The following BPIFB3 variants were observed in gnomAD, a reference collection of about 807,000 sequenced individuals.
BPIFB3 encodes the protein BPI fold containing family B member 3, also known as BPI fold-containing family B member 3.
A neutral mutation model predicts 53.1 loss-of-function variants in BPIFB3; 49 were observed. The ratio of observed to expected loss-of-function variants is 0.92; its 90% confidence interval spans 0.73 to 1.17. The LOEUF (loss-of-function observed/expected upper bound fraction) is 1.17. Ranked by LOEUF, BPIFB3 falls within the 50% of genes most tolerant of loss-of-function variation. BPIFB3 has a pLI of 0.00. For missense variants in BPIFB3, 628 were observed against 592.5 expected (o/e 1.06, Z -0.62); for synonymous variants, 271 against 269.6 (o/e 1.01, Z -0.05).
intron 11 of BPIFB3, among the ~76,000 whole-genome samples, chr20:33,070,674 T>C (rs1421547216): frequency 6.6e-6 from 1 of 152,188 alleles, no homozygotes; most frequent in Non-Finnish European, 1.5e-5. Context: ...CCAGTGCTCC[T>C]CTGACTCCGT....
rs549443960 is a variant in BPIFB3, at chr20:33,065,972, T to C, written c.925-852T>C. On this transcript the variant is annotated intron_variant, in intron 8 of 14. Transcript: ENST00000375494. ...GGCAGAGACTCTGCGTGTAAGAACG[T>C]GCATGTCTGAGCGGCCTGCGGATGT... 2.0e-5 allele frequency among the ~76,000 whole-genome samples: 3 copies of C among 152,314 alleles called. No individual in the cohort carries two copies. The East Asian group carries it at 5.8e-4, about 29-fold the overall frequency.
At chr20:33,059,399 G>A (rs575731693) in exon 3 of BPIFB3, 24 of 1,612,188 alleles carry the variant, frequency 1.5e-5, no homozygotes, top group Middle Eastern at 1.7e-4. Flanking sequence ...AGGAGCTCAC[G>A]CTGCCAAAGG....
At chr20:33,066,031 A>G (rs1980658218) in intron 8 of BPIFB3, among the ~76,000 whole-genome samples, 1 of 152,198 alleles carries the variant, frequency 6.6e-6, no homozygotes, top group African/African-American at 2.4e-5. Flanking sequence ...GTGTTTGCAT[A>G]TGAGCATCGT....
exon 4 of BPIFB3, chr20:33,059,891 C>T (rs1212501280): frequency 1.2e-6 from 2 of 1,613,544 alleles, no homozygotes; most frequent in Non-Finnish European, 8.5e-7. Context: ...TTTCTTGCAG[C>T]CCCCTTGGTG....
At chr20:33,064,620 G>T (rs1370810074) in intron 7 of BPIFB3, 46 bp from the exon 9 acceptor site, 2 of 1,613,060 alleles carry the variant, frequency 1.2e-6, no homozygotes, top group Admixed American at 3.3e-5. Flanking sequence ...AGGCAGGTGG[G>T]TGAGCACCTT....
At chr20:33,056,720 C>A in intron 2 of BPIFB3, 22 bp downstream of exon 3, 1 of 1,539,946 alleles carries the variant, frequency 6.5e-7, no homozygotes, top group Non-Finnish European at 8.7e-7. Context: ...CTGCTGCATG[C>A]CCTACAGGAA....
chr20:33,072,254 G>A lies in BPIFB3; in HGVS notation c.1324+87G>A. 2.2e-6 allele frequency: 3 copies of A among 1,362,648 alleles called. No individual in the cohort carries two copies. In the South Asian group the frequency reaches 3.5e-5, roughly 16 times the overall value. 84.4% of individuals were successfully genotyped at this position (1,362,648 alleles called of 1,614,324 possible). On this transcript the variant is annotated intron_variant, in intron 13 of 14. Coordinates refer to ENST00000375494, the Ensembl canonical transcript of BPIFB3. ...TTGCCTCTCTTTATGGTTCTGATGG[G>A]GACACTGAGGCCAGAGAGAGAGGTC...
chr20:33,055,395 C>CA, upstream of BPIFB3: 1 of 1,611,036 alleles, frequency 6.2e-7, no homozygotes, highest in Non-Finnish European at 8.5e-7. Context: ...AGAAGGGTCT[C>CA]AGAGTTCCTC....
At chr20:33,058,541 G>T (rs774235592) in intron 2 of BPIFB3, among the ~76,000 whole-genome samples, 1 of 152,100 alleles carries the variant, frequency 6.6e-6, no homozygotes, top group Non-Finnish European at 1.5e-5. Flanking sequence ...CTGAAATAGA[G>T]CCGGGCAGAG....
At chr20:33,063,767 G>A in intron 6 of BPIFB3, 92 bp downstream of exon 7, 1 of 1,337,052 alleles carries the variant, frequency 7.5e-7, no homozygotes, top group Non-Finnish European at 1.0e-6. Flanking sequence ...GCCAGAAGCG[G>A]CAGGATCTCA....
intron 1 of BPIFB3, among the ~76,000 whole-genome samples, chr20:33,055,860 GTC>G (rs931080763): frequency 6.6e-6 from 1 of 152,168 alleles, no homozygotes; most frequent in Admixed American, 6.5e-5. Context: ...CTGGGCCAGT[GTC>G]TCTGCCTCAC....
chr20:33,061,247 G>A (rs182992926), intron 4 of BPIFB3, among the ~76,000 whole-genome samples: 234 of 152,180 alleles, frequency 1.5e-3, no homozygotes, highest in Admixed American at 2.2e-3. Context: ...TGGTGTTGGT[G>A]TCCTGTGTTT....
chr20:33,073,040 G>A (rs1025936572), intron 14 of BPIFB3, among the ~76,000 whole-genome samples: 1 of 152,184 alleles, frequency 6.6e-6, no homozygotes, highest in Non-Finnish European at 1.5e-5. Flanking sequence ...CTTTCCCATT[G>A]GATTCAGAGA....
chr20:33,055,749 G>A (rs911143131), intron 1 of BPIFB3, among the ~76,000 whole-genome samples: 16 of 152,182 alleles, frequency 1.1e-4, no homozygotes, highest in African/African-American at 3.9e-4. Flanking sequence ...CCCTCTTACG[G>A]GAGGTGGACT....
rs201582304 is a variant in BPIFB3 at position 33,068,891 on chromosome 20, C to A, written c.1067C>A (p.Ala356Asp). Reference sequence around the variant, plus strand: ...ACGGTCACACTCCACAACAAGAAGGCCTTGGTCTCCCTCCCAGCCAACATC... The same window carrying A: ...ACGGTCACACTCCACAACAAGAAGGACTTGGTCTCCCTCCCAGCCAACATC... The change falls in exon 10 of 15, where the codon GCC becomes GAC. Residue 356 changes from alanine to aspartate, a missense_variant. Coordinates refer to ENST00000375494, the Ensembl canonical transcript of BPIFB3. 6.2e-7 allele frequency: 1 copy of A among 1,614,084 alleles called. No individual in the cohort carries two copies. Among genetic ancestry groups the A allele is most frequent in the Non-Finnish European group, 8.5e-7 (1 of 1,179,960 alleles).
At chr20:33,055,274 A>G (rs1050785815), upstream of BPIFB3, 1 of 1,214,282 alleles carries the variant, frequency 8.2e-7, no homozygotes, top group Non-Finnish European at 1.2e-6. Flanking sequence ...CTCTGCTTAC[A>G]TTTGGGAGGA....
chr20:33,070,170 G>C (rs1026337047), intron 11 of BPIFB3, among the ~76,000 whole-genome samples: 1 of 152,176 alleles, frequency 6.6e-6, no homozygotes, highest in Non-Finnish European at 1.5e-5. Context: ...TCAAGAGTGG[G>C]CTTCTTCCAC....
At chr20:33,059,713 C>T (rs905041512) in intron 3 of BPIFB3, among the ~76,000 whole-genome samples, 178 bp from the exon 5 acceptor site, 14 of 152,158 alleles carry the variant, frequency 9.2e-5, no homozygotes, top group African/African-American at 2.4e-5. Flanking sequence ...CGGACCCCAC[C>T]GCTCAGGCTC....
In BPIFB3 at chr20:33,068,985, A is replaced by C. The variant is rs41301831; in HGVS notation, c.1149+12A>C. ...TTGAGCTGAACTCCGTGAGTGGTCAAGGGGTGGCTGGGGGCCCGGCATTGG... is the reference window on the plus strand; with the variant it reads ...TTGAGCTGAACTCCGTGAGTGGTCACGGGGTGGCTGGGGGCCCGGCATTGG... On this transcript the variant is annotated intron_variant, in intron 10 of 14. Coordinates refer to ENST00000375494, the Ensembl canonical transcript of BPIFB3. 1.9e-6 allele frequency: 3 copies of C among 1,607,318 alleles called. No individual in the cohort carries two copies. The East Asian group carries it at 6.7e-5, about 36-fold the overall frequency.
Sources: allele counts gnomAD v4.1 joint callset (sites outside exome capture counted in the v4.1 genomes callset), GRCh38; gene constraint gnomAD v4.1.1; transcripts MANE v1.5; gene names NCBI Gene and HGNC (gene_info 2026-07-23, HGNC 2026-07-21).